PTPRA: variants seen among roughly 807,000 people sequenced by gnomAD.
PTPRA encodes the protein receptor-type tyrosine-protein phosphatase alpha.
Under a neutral mutation model 104.8 loss-of-function variants are expected in PTPRA, and 25 were observed. The observed-to-expected ratio is 0.24, with a 90% CI of 0.17 to 0.33. The LOEUF (loss-of-function observed/expected upper bound fraction) is 0.33, where lower values mean the gene tolerates loss of function less well. Ranked by LOEUF, PTPRA falls within the 10% of genes least tolerant of loss-of-function variation. The pLI is 1.00. For missense variants in PTPRA, 765 were observed against 1,015.3 expected (o/e 0.75, Z 3.35); for synonymous variants, 323 against 368.9 (o/e 0.88, Z 1.43).
At chr20:2,893,949 AAAGTT>A (rs1216972236) in intron 1 of PTPRA, among the ~76,000 whole-genome samples, 2 of 152,058 alleles carry the variant, frequency 1.3e-5, no homozygotes, top group African/African-American at 4.8e-5. Context: ...TACTAGAACT[AAAGTT>A]AAGAATTTGA....
At chr20:2,866,716 A>G in the PTPRA span, 1 of 1,289,790 alleles carries the variant, frequency 7.8e-7, no homozygotes, top group Non-Finnish European at 1.1e-6. Context: ...GGTTTTAAAT[A>G]AAGTTGGAAC....
intron 2 of PTPRA, among the ~76,000 whole-genome samples, chr20:2,935,842 C>G (rs2060681599): frequency 6.6e-6 from 1 of 152,116 alleles, no homozygotes; most frequent in Admixed American, 6.6e-5. Flanking sequence ...TGGTAAAACC[C>G]CATCTCTACT....
chr20:2,866,990 C>G, the PTPRA span, among the ~76,000 whole-genome samples: 2 of 152,274 alleles, frequency 1.3e-5, no homozygotes, highest in Non-Finnish European at 2.9e-5. Flanking sequence ...GTAAAGCATT[C>G]TGTGTGTGTG....
rs2148467782 is a variant in PTPRA at position 3,027,195 on chromosome 20, G to A, written c.1783G>A (p.Asp595Asn). The A allele has an allele frequency of 1.9e-6, 3 of 1,613,896 alleles. No individual in the cohort carries two copies. The highest frequency in any genetic ancestry group is 1.3e-5 in the African/African-American group (1 of 75,026). Residue 595 changes from aspartate to asparagine, a missense_variant and splice_region_variant, in exon 19 of 24, where the codon GAT becomes AAT. By Grantham distance (23) the Asp-to-Asn change is conservative. Around this residue, in one of 4 missense-constraint regions of PTPRA, gnomAD observed 192 missense variants for 227.0 expected, o/e 0.85. Coordinates refer to ENST00000399903, the MANE Select transcript of PTPRA (RefSeq NM_001385305.1). ...NTDYVNASFI[D>N]GYRQKDSYIA... The stretch of plus-strand genomic sequence containing the variant: ...AGACTATGTGAACGCATCCTTTATT[G>A]ATGTAAGTGGTGGGTGTGACCCCTG...
chr20:2,998,905 TTAA>T (rs2063510578), intron 9 of PTPRA, among the ~76,000 whole-genome samples: 1 of 144,756 alleles, frequency 6.9e-6, no homozygotes, highest in South Asian at 2.3e-4. Context: ...TATTATAGAA[TTAA>T]TAAATATGAC....
chr20:3,014,744 G>A (rs746829164), intron 11 of PTPRA, among the ~76,000 whole-genome samples: 9 of 152,184 alleles, frequency 5.9e-5, no homozygotes, highest in Non-Finnish European at 1.2e-4. Context: ...GTGTTGGTGT[G>A]ACATGGTGTC....
intron 3 of PTPRA, among the ~76,000 whole-genome samples, chr20:2,960,886 A>T (rs926224158): frequency 6.8e-6 from 1 of 147,732 alleles, no homozygotes. Flanking sequence ...TACTGTCTCC[A>T]TGGTTTTTCA....
chr20:2,867,644 T>C, the PTPRA span, among the ~76,000 whole-genome samples: 1 of 152,160 alleles, frequency 6.6e-6, no homozygotes, highest in Admixed American at 6.5e-5. Flanking sequence ...CTTGGCTTCA[T>C]GCCCAGGGCC....
chr20:2,970,008 A>T lies in PTPRA; in HGVS notation c.415+4806A>T, dbSNP rs537073766. On this transcript the variant is annotated intron_variant, in intron 5 of 23. Coordinates refer to ENST00000399903, the MANE Select transcript of PTPRA (RefSeq NM_001385305.1). Reference sequence around the variant, plus strand: ...AATAAATAAATAACTCCTTTTACAAAAGCATATATATTCATTTTTTCCATT... The same window carrying T: ...AATAAATAAATAACTCCTTTTACAATAGCATATATATTCATTTTTTCCATT... Among the ~76,000 whole-genome samples the T allele has an allele frequency of 2.3e-5, 3 of 131,074 alleles. No homozygotes were observed. The South Asian group carries it at 7.0e-4, about 30-fold the overall frequency. 86.0% of individuals were successfully genotyped at this position (131,074 alleles called of 152,430 possible). A position where few individuals can be genotyped will look rare whatever the true frequency, so the allele number is the denominator to read the frequency against.
At chr20:3,003,214 T>C (rs1057509506) in intron 9 of PTPRA, among the ~76,000 whole-genome samples, 3 of 152,252 alleles carry the variant, frequency 2.0e-5, no homozygotes, top group African/African-American at 4.8e-5. Context: ...ACTGCACTTA[T>C]ATTTGATTCC....
intron 3 of PTPRA, among the ~76,000 whole-genome samples, chr20:2,951,646 C>G (rs2061357522): frequency 6.6e-6 from 1 of 152,176 alleles, no homozygotes; most frequent in Non-Finnish European, 1.5e-5. Context: ...TTGCCCATTC[C>G]TTCCGCTGAA....
intron 5 of PTPRA, 30 bp from the exon 6 acceptor site, chr20:2,975,185 G>T: frequency 6.4e-7 from 1 of 1,552,154 alleles, no homozygotes; most frequent in Non-Finnish European, 8.9e-7. Context: ...TAACCTGAAT[G>T]AATGTTTCTA....
At chr20:3,000,156 C>T (rs1207426065) in intron 9 of PTPRA, among the ~76,000 whole-genome samples, 6 of 151,716 alleles carry the variant, frequency 4.0e-5, no homozygotes, top group African/African-American at 1.2e-4. Context: ...GGTGTGGTGG[C>T]GGGCGCCTGT....
chr20:2,941,461 C>A (rs1568662475), intron 2 of PTPRA, among the ~76,000 whole-genome samples: 1 of 152,224 alleles, frequency 6.6e-6, no homozygotes. Context: ...AGTTTACTTC[C>A]TGAATATCTC....
At chr20:2,944,200 C>A (rs1434342639) in intron 2 of PTPRA, among the ~76,000 whole-genome samples, 1 of 152,028 alleles carries the variant, frequency 6.6e-6, no homozygotes, top group Non-Finnish European at 1.5e-5. Flanking sequence ...ACCACTACCA[C>A]CTGGCTAATT....
chr20:3,010,116 C>T (rs1459126796), intron 11 of PTPRA, among the ~76,000 whole-genome samples: 2 of 151,858 alleles, frequency 1.3e-5, no homozygotes, highest in Non-Finnish European at 2.9e-5. Flanking sequence ...TCCCAAAGTG[C>T]TGGGATTACA....
At chr20:3,010,710 C>A (rs553033216) in intron 11 of PTPRA, among the ~76,000 whole-genome samples, 1 of 152,208 alleles carries the variant, frequency 6.6e-6, no homozygotes, top group Non-Finnish European at 1.5e-5. Context: ...ATGCTTTTCT[C>A]TCTGTTAGGG....
intron 22 of PTPRA, 66 bp downstream of exon 22, chr20:3,036,007 G>C (rs2065784423): frequency 6.2e-7 from 1 of 1,607,010 alleles, no homozygotes; most frequent in Non-Finnish European, 8.5e-7. Flanking sequence ...GGAAGCTGAT[G>C]ACCATGGGTC....
chr20:2,959,815 G>A (rs1033251202), intron 3 of PTPRA, among the ~76,000 whole-genome samples: 62 of 152,232 alleles, frequency 4.1e-4, no homozygotes, highest in South Asian at 2.9e-3. Context: ...GCTGGGTGTG[G>A]TGGTGCACAC....
Sources: gnomAD v4.1 joint callset for allele counts (sites outside exome capture counted in the v4.1 genomes callset) on GRCh38, gnomAD v4.1.1 for gene constraint, gnomAD v4.1.1 regional missense constraint, MANE v1.5 for transcripts, NCBI Gene and HGNC (gene_info 2026-07-23, HGNC 2026-07-21) for gene names.